LIN7A: variants seen among roughly 807,000 people sequenced by gnomAD.
LIN7A encodes the protein protein lin-7 homolog A.
A neutral mutation model predicts 29.8 loss-of-function variants in LIN7A; 25 were observed. The ratio of observed to expected loss-of-function variants is 0.84; its 90% CI spans 0.61 to 1.17. The LOEUF (loss-of-function observed/expected upper bound fraction) is 1.17, where lower values mean the gene tolerates loss of function less well. Ranked by LOEUF, LIN7A falls within the 50% of genes most tolerant of loss-of-function variation. LIN7A has a pLI of 0.00. For missense variants in LIN7A, 239 were observed against 287.0 expected (o/e 0.83, Z 1.21); for synonymous variants, 118 against 107.5 (o/e 1.10, Z -0.60).
At chr12:80,812,916 A>G (rs1871359292) in intron 4 of LIN7A, among the ~76,000 whole-genome samples, 1 of 152,182 alleles carries the variant, frequency 6.6e-6, no homozygotes, top group African/African-American at 2.4e-5. Context: ...ATGCATGGAC[A>G]AAAAATAAAA....
intron 4 of LIN7A, among the ~76,000 whole-genome samples, chr12:80,840,169 G>A (rs903462885): frequency 1.1e-4 from 17 of 152,042 alleles, no homozygotes; most frequent in Admixed American, 1.1e-3. Flanking sequence ...AATAATTATA[G>A]ATTTAAGAGA....
chr12:80,811,382 AT>A (rs1871276089), intron 5 of LIN7A, 82 bp downstream of exon 5: 2 of 450,762 alleles, frequency 4.4e-6, no homozygotes, highest in Non-Finnish European at 7.9e-6. Context: ...TCTAAAATAT[AT>A]TTTAAGTATA....
intron 5 of LIN7A, among the ~76,000 whole-genome samples, chr12:80,810,393 C>CTG (rs71094992): frequency 0.031 from 4,619 of 146,944 alleles, 97 homozygotes; most frequent in Admixed American, 0.085. Context: ...TGGTATACAT[C>CTG]TGTGTGTGTG....
chr12:80,807,940 A>G (rs1871121032), intron 5 of LIN7A, among the ~76,000 whole-genome samples: 1 of 152,134 alleles, frequency 6.6e-6, no homozygotes, highest in Non-Finnish European at 1.5e-5. Context: ...CAATCTTTTT[A>G]ATAAATCCAA....
Position 80,850,001 on chromosome 12 carries a change from G to T in LIN7A, c.202-1679C>A, listed in dbSNP as rs528833449. 8.6e-4 allele frequency among the ~76,000 whole-genome samples: 131 copies of T among 152,208 alleles called. 1 individual carries two copies. The highest frequency in any genetic ancestry group is 3.4e-3 in the Middle Eastern group (1 of 294). ...GGATGTTTATGAAGACAATCATTTA[G>T]CAAATAATTGGAATATTGTCATCAA... On this transcript the variant is annotated intron_variant, in intron 2 of 5. Coordinates refer to ENST00000552864, the MANE Select transcript of LIN7A (RefSeq NM_004664.4).
intron 1 of LIN7A, among the ~76,000 whole-genome samples, chr12:80,926,654 C>T (rs1339735913): frequency 6.6e-6 from 1 of 152,024 alleles, no homozygotes; most frequent in Non-Finnish European, 1.5e-5. Context: ...ACTCTCTCAC[C>T]TCTAAATATA....
In LIN7A at chr12:80,807,063, G is replaced by GTTTTTTTTTTTTTTTTTTTTTTT. The variant is rs71094991; in HGVS notation, c.*4379_*4401dup. On this transcript the variant is annotated intron_variant, in intron 5 of 5. Transcript: ENST00000552864. ...CCATAGGAAATTTAATGAAGATGGA[G>GTTTTTTTTTTTTTTTTTTTTTTT]TTTTTTTTTTTTTTTTTTTTTTTTT... Among the ~76,000 whole-genome samples the GTTTTTTTTTTTTTTTTTTTTTTT allele has an allele frequency of 2.6e-4, 14 of 53,572 alleles. 1 individual carries two copies. The highest frequency in any genetic ancestry group is 1.1e-3 in the East Asian group (2 of 1,884). The allele number at this position is 53,572 out of a possible 152,430, so 35.1% of individuals were successfully genotyped here. A position where few individuals can be genotyped will look rare whatever the true frequency, so the allele number is the denominator to read the frequency against.
chr12:80,918,246 T>C, intron 1 of LIN7A, among the ~76,000 whole-genome samples: 1 of 151,834 alleles, frequency 6.6e-6, no homozygotes, highest in Admixed American at 6.6e-5. Context: ...TAATTTTTTT[T>C]GTAGTGATGA....
At chr12:80,821,690 C>G (rs1037096591) in intron 4 of LIN7A, among the ~76,000 whole-genome samples, 2 of 152,210 alleles carry the variant, frequency 1.3e-5, no homozygotes, top group Admixed American at 1.3e-4. Context: ...CAGTGGGAGC[C>G]AGCAACAGGC....
intron 1 of LIN7A, among the ~76,000 whole-genome samples, chr12:80,926,260 C>T (rs552032818): frequency 6.6e-6 from 1 of 152,266 alleles, no homozygotes; most frequent in African/African-American, 2.4e-5. Context: ...TCTGTATCTC[C>T]CTCCCTAAAT....
At chr12:80,887,027 G>A (rs148453263) in intron 2 of LIN7A, among the ~76,000 whole-genome samples, 20 of 152,082 alleles carry the variant, frequency 1.3e-4, no homozygotes, top group African/African-American at 2.9e-4. Context: ...TACTATGTCC[G>A]TAACAGAGCT....
intron 2 of LIN7A, among the ~76,000 whole-genome samples, chr12:80,853,342 AAAG>A (rs903703610): frequency 2.7e-4 from 14 of 51,584 alleles, no homozygotes; most frequent in Admixed American, 1.3e-3. Context: ...GTTAAAAAAA[AAAG>A]AAACTCTTTG....
rs140221371 is a variant in LIN7A at position 80,797,683 on chromosome 12, T to C, written c.*44A>G. ...GGGATTCTGAAGCACGGTTTCAAAT[T>C]TGTGACTATCGGATGTTTGATCAAG... On this transcript the variant is annotated 3_prime_UTR_variant, in exon 6 of 6. Coordinates refer to ENST00000552864, the MANE Select transcript of LIN7A (RefSeq NM_004664.4). 4 of 152,734 alleles carry C rather than the reference T, an allele frequency of 2.6e-5. No individual in the cohort carries two copies. The East Asian group carries it at 7.7e-4, about 29-fold the overall frequency. 9.5% of individuals were successfully genotyped at this position (152,734 alleles called of 1,614,324 possible). A position where few individuals can be genotyped will look rare whatever the true frequency, so the allele number is the denominator to read the frequency against.
intron 1 of LIN7A, among the ~76,000 whole-genome samples, chr12:80,926,852 CG>C (rs1162342228): frequency 1.4e-5 from 2 of 143,540 alleles, no homozygotes; most frequent in East Asian, 4.3e-4. Flanking sequence ...TGGGTGAACC[CG>C]GGAGGCGGAG....
chr12:80,932,129 A>G (rs1011584317), intron 1 of LIN7A, among the ~76,000 whole-genome samples: 3 of 152,248 alleles, frequency 2.0e-5, no homozygotes, highest in Non-Finnish European at 4.4e-5. Flanking sequence ...CAGGGCTTGA[A>G]TCGGAAGACG....
At chr12:80,880,803 A>G (rs1402774930) in intron 2 of LIN7A, among the ~76,000 whole-genome samples, 2 of 151,838 alleles carry the variant, frequency 1.3e-5, no homozygotes, top group Non-Finnish European at 2.9e-5. Context: ...ACACACACAC[A>G]TCGACATTCA....
intron 4 of LIN7A, chr12:80,845,512 T>G (rs1873029271): frequency 7.2e-6 from 3 of 419,042 alleles, no homozygotes; most frequent in Non-Finnish European, 1.2e-5. Flanking sequence ...GGATGTTTTT[T>G]CAACTCACTG....
At chr12:80,931,581 T>C (rs1245571208) in intron 1 of LIN7A, among the ~76,000 whole-genome samples, 1 of 145,446 alleles carries the variant, frequency 6.9e-6, no homozygotes, top group Non-Finnish European at 1.5e-5. Context: ...GAGGTTGCAG[T>C]GAGCCGAGAT....
intron 5 of LIN7A, among the ~76,000 whole-genome samples, chr12:80,806,096 CA>C (rs796554380): frequency 6.6e-6 from 1 of 151,482 alleles, no homozygotes; most frequent in Non-Finnish European, 1.5e-5. Context: ...AAAAAACAAA[CA>C]AAAAATAGTG....
Sources: allele counts gnomAD v4.1 joint callset (sites outside exome capture counted in the v4.1 genomes callset), GRCh38; gene constraint gnomAD v4.1.1; transcripts MANE v1.5; gene names NCBI Gene and HGNC (gene_info 2026-07-23, HGNC 2026-07-21).